Variants in UGT1A5 observed in about 807,000 individuals in gnomAD.
UGT1A5 encodes the protein UDP glucuronosyltransferase family 1 member A5.
A neutral mutation model predicts 40.3 loss-of-function variants in UGT1A5; 29 were observed. The observed-to-expected ratio is 0.72, with a 90% CI of 0.54 to 0.98. The LOEUF (loss-of-function observed/expected upper bound fraction) is 0.98, where lower values mean the gene tolerates loss of function less well. Among genes scored for constraint, UGT1A5 ranks in the 50% least tolerant of loss-of-function variants. The pLI, the probability that UGT1A5 is intolerant of heterozygous loss-of-function variation, is 0.00. For missense variants in UGT1A5, 678 were observed against 677.9 expected, an observed-to-expected ratio of 1.00 and a Z score of 0.00; for synonymous variants, 257 against 262.5, an observed-to-expected ratio of 0.98 and a Z score of 0.20.
chr2:233,735,285 T>C (rs1453773245), intron 1 of UGT1A5, among the ~76,000 whole-genome samples: 1 of 152,192 alleles, frequency 6.6e-6, no homozygotes, highest in East Asian at 1.9e-4. Flanking sequence ...TCTTTGTCTC[T>C]TTTGATTTTT....
chr2:233,713,367 A>G lies in UGT1A5; in HGVS notation c.376A>G (p.Arg126Gly), dbSNP rs764672319. The G allele has an allele frequency of 5.0e-6, 8 of 1,614,076 alleles. No homozygotes were observed. The highest frequency in any genetic ancestry group is 3.3e-4 in the Middle Eastern group (2 of 6,084). The change falls in exon 1 of 5, where the codon AGG (arginine) becomes GGG (glycine). Residue 126 changes from arginine (R) to glycine (G), a missense_variant. Coordinates refer to ENST00000373414, the MANE Select transcript of UGT1A5 (RefSeq NM_019078.2). The part of the protein sequence containing the change: ...IMNNMSLIIH[R>G]SCVELLHNEA... ...GAACAATATGTCTTTGATCATACAT[A>G]GGTCTTGTGTGGAGCTACTGCATAA...
chr2:233,757,985 C>T (rs925292779), intron 1 of UGT1A5, among the ~76,000 whole-genome samples: 4 of 152,150 alleles, frequency 2.6e-5, no homozygotes, highest in African/African-American at 7.2e-5. Context: ...AGAGCACCAT[C>T]CCCTGTAATT....
Position 233,747,171 on chromosome 2 carries a change from A to G in UGT1A5, c.868-19863A>G, listed in dbSNP as rs1693579128. The G allele has an allele frequency of 1.1e-5, 18 of 1,596,132 alleles. No homozygotes were observed. In the South Asian group the frequency reaches 1.8e-4, roughly 16 times the overall value. ...GATGAAGAAAACAAATGTAGGAGGC[A>G]CAGCGTGGGGTGGACAGTCAGCTGT... On this transcript the variant is annotated intron_variant, in intron 1 of 4. Coordinates refer to ENST00000373414, the MANE Select transcript of UGT1A5 (RefSeq NM_019078.2).
At chr2:233,742,134 C>A (rs1691883024) in intron 1 of UGT1A5, among the ~76,000 whole-genome samples, 1 of 151,870 alleles carries the variant, frequency 6.6e-6, no homozygotes, top group South Asian at 2.1e-4. Context: ...AGACCCTAAC[C>A]CAGCAGCGCT....
chr2:233,753,302 G>A (rs17862878), intron 1 of UGT1A5: 18,739 of 152,254 alleles, frequency 0.12, 1,732 homozygotes, highest in African/African-American at 0.24. Flanking sequence ...GTGAGACCCC[G>A]TGTGCCCCTG....
intron 1 of UGT1A5, among the ~76,000 whole-genome samples, chr2:233,719,884 G>A (rs2076812512): frequency 6.6e-6 from 1 of 152,164 alleles, no homozygotes; most frequent in South Asian, 2.1e-4. Flanking sequence ...AGGCACGGAT[G>A]AGGGTCTGTC....
chr2:233,721,961 A>G (rs2076983118), intron 1 of UGT1A5: 1 of 312,750 alleles, frequency 3.2e-6, no homozygotes, highest in Admixed American at 3.8e-5. Flanking sequence ...TTGTATATGC[A>G]TACATTGATG....
rs535794871 is a variant in UGT1A5, at chr2:233,717,576, G to C, written c.867+3718G>C. On this transcript the variant is annotated intron_variant, in intron 1 of 4. Coordinates refer to ENST00000373414, the MANE Select transcript of UGT1A5 (RefSeq NM_019078.2). ...AATGGCAGACATGGCCAGGCATGTA[G>C]ACACAGAGGTAGTGAGATGGAAAGT... Among the ~76,000 whole-genome samples, 4 of 152,362 alleles carry C rather than the reference G, an allele frequency of 2.6e-5. No homozygotes were observed. In the East Asian group the frequency reaches 7.7e-4, roughly 29 times the overall value.
intron 1 of UGT1A5, among the ~76,000 whole-genome samples, chr2:233,723,516 C>CT (rs1162916866): frequency 0.039 from 3,331 of 85,338 alleles, 215 homozygotes; most frequent in African/African-American, 0.13. Flanking sequence ...GGTCAACAAT[C>CT]TTTTTTTTTT....
At chr2:233,740,769 G>A (rs1277809292) in intron 1 of UGT1A5, 1 of 151,756 alleles carries the variant, frequency 6.6e-6, no homozygotes, top group African/African-American at 2.4e-5. Flanking sequence ...TCAAACCGTT[G>A]TATAAAAGAT....
At chr2:233,760,186 C>G (rs1697340087) in intron 1 of UGT1A5, 1 of 1,558,442 alleles carries the variant, frequency 6.4e-7, no homozygotes, top group Admixed American at 1.8e-5. Flanking sequence ...TTTTTATAGT[C>G]ACGTGACACA....
intron 1 of UGT1A5, among the ~76,000 whole-genome samples, chr2:233,731,747 G>A (rs1273441220): frequency 1.3e-5 from 2 of 152,080 alleles, no homozygotes; most frequent in Non-Finnish European, 2.9e-5. Flanking sequence ...ATAAACATAC[G>A]TGTGCATGTG....
intron 1 of UGT1A5, 104 bp from the exon 2 acceptor site, chr2:233,766,930 T>G: frequency 1.9e-6 from 3 of 1,580,254 alleles, no homozygotes; most frequent in Admixed American, 1.8e-5. Flanking sequence ...ACGCATGCCT[T>G]TAATCATAGT....
intron 1 of UGT1A5, among the ~76,000 whole-genome samples, chr2:233,739,415 C>A (rs1192478838): frequency 6.6e-6 from 1 of 152,198 alleles, no homozygotes; most frequent in African/African-American, 2.4e-5. Context: ...CCTCTGAAAG[C>A]AGCCAGGACG....
intron 1 of UGT1A5, chr2:233,719,836 T>G: frequency 6.5e-7 from 1 of 1,539,550 alleles, no homozygotes; most frequent in Non-Finnish European, 8.7e-7. Context: ...AGGGGCCTAG[T>G]GTATTTCAAG....
intron 1 of UGT1A5, among the ~76,000 whole-genome samples, chr2:233,726,045 G>A (rs1002009410): frequency 1.3e-5 from 2 of 151,996 alleles, no homozygotes; most frequent in Non-Finnish European, 2.9e-5. Context: ...GCACACCTGT[G>A]GTCCCAGCTA....
intron 1 of UGT1A5, chr2:233,743,054 C>T (rs1031836290): frequency 1.9e-5 from 6 of 321,426 alleles, no homozygotes; most frequent in South Asian, 8.2e-5. Context: ...GTAGTCCCAA[C>T]GATAAGAACA....
rs181203799 is a variant in UGT1A5, at chr2:233,760,152, C to T, written c.868-6882C>T. ...TTCTTTATCTCTGAAAGTGAACTCC[C>T]TGCTACCTTTGTGGACTGACAGCTT... On this transcript the variant is annotated intron_variant, in intron 1 of 4. Transcript: ENST00000373414. 37 of 1,481,016 alleles carry T rather than the reference C, an allele frequency of 2.5e-5. No individual in the cohort carries two copies. The Admixed American group carries it at 2.7e-4, about 11-fold the overall frequency. The allele number at this position is 1,481,016 out of a possible 1,614,324, so 91.7% of individuals were successfully genotyped here. A position where few individuals can be genotyped will look rare whatever the true frequency, so the allele number is the denominator to read the frequency against.
rs750927090 is a variant in UGT1A5 at position 233,713,067 on chromosome 2, G to A, written c.76G>A (p.Ala26Thr). 1 of 1,614,158 alleles carries A rather than the reference G, an allele frequency of 6.2e-7. No individual in the cohort carries two copies. Among genetic ancestry groups the A allele is most frequent in the Non-Finnish European group, 8.5e-7 (1 of 1,180,038 alleles). Residue 26 changes from alanine to threonine, a missense_variant, in exon 1 of 5, where the codon GCT (alanine) becomes ACT (threonine). By Grantham distance (58) the Ala-to-Thr change is moderately conservative. Transcript: ENST00000373414. The stretch of plus-strand genomic sequence containing the variant: ...GCTTCTCCTCAGTGTCCAGCCCTGG[G>A]CTGAGAGTGGGAAGGTGCTGGTGGT... ...LLLLLSVQPW[A>T]ESGKVLVVPT...
Sources: allele counts gnomAD v4.1 joint callset (sites outside exome capture counted in the v4.1 genomes callset), GRCh38; gene constraint gnomAD v4.1.1; transcripts MANE v1.5; gene names NCBI Gene and HGNC (gene_info 2026-07-23, HGNC 2026-07-21).